BDP1: variants seen among roughly 807,000 people sequenced by gnomAD.
BDP1 encodes the protein BDP1 general transcription factor IIIB subunit.
BDP1 carries 169 observed loss-of-function variants against 266.6 expected under a neutral mutation model. The ratio of observed to expected loss-of-function variants is 0.63; its 90% CI spans 0.56 to 0.72. The LOEUF is 0.72. Among genes scored for constraint, BDP1 ranks in the 30% least tolerant of loss-of-function variants. The pLI is 0.00. For synonymous variants in BDP1, 1,090 were observed against 1,022.4 expected, an observed-to-expected ratio of 1.07 and a Z score of -1.26; for missense variants, 3,015 against 3,053.8, an observed-to-expected ratio of 0.99 and a Z score of 0.30.
In BDP1 at chr5:71,524,138, G is replaced by C. The variant is rs1386527502; in HGVS notation, c.5587G>C (p.Ala1863Pro). 1 of 1,614,054 alleles carries C rather than the reference G, an allele frequency of 6.2e-7. No homozygotes were observed. Among genetic ancestry groups the C allele is most frequent in the Non-Finnish European group, 8.5e-7 (1 of 1,180,044 alleles). Residue 1863 changes from alanine to proline, a missense_variant, in exon 25 of 39, where the codon GCC becomes CCC. Physicochemically the swap from Ala to Pro is conservative, Grantham distance 27. This residue lies in a region of BDP1 where 2,383 missense variants were observed against 2,404.9 expected (regional missense o/e 0.99). Transcript: ENST00000358731. Reference sequence around the variant, plus strand: ...TAAGAAGGAACCTAGAGCTTCCAAGGCCATGCTGGTGACTCTTCGGGCTTC... The same window carrying C: ...TAAGAAGGAACCTAGAGCTTCCAAGCCCATGCTGGTGACTCTTCGGGCTTC... ...TSKKEPRASK[A>P]MLVTLRASQE...
At chr5:71,508,763 A>G (rs1161797108) in intron 16 of BDP1, among the ~76,000 whole-genome samples, 2 of 152,188 alleles carry the variant, frequency 1.3e-5, no homozygotes, top group Admixed American at 1.3e-4. Flanking sequence ...ACCATCTATT[A>G]TAATAAACAG....
intron 16 of BDP1, among the ~76,000 whole-genome samples, chr5:71,506,211 T>C (rs868738721): frequency 9.9e-5 from 15 of 152,218 alleles, no homozygotes; most frequent in African/African-American, 3.6e-4. Context: ...GCCTCTGGGT[T>C]TTAGAACACT....
chr5:71,465,445 G>A (rs531995317), intron 4 of BDP1, among the ~76,000 whole-genome samples: 161 of 152,044 alleles, frequency 1.1e-3, no homozygotes, highest in African/African-American at 3.7e-3. Context: ...AATTTTTTTT[G>A]TAGTGGTAAG....
intron 5 of BDP1, among the ~76,000 whole-genome samples, chr5:71,466,641 T>C (rs745982413): frequency 1.1e-4 from 17 of 152,216 alleles, no homozygotes; most frequent in Non-Finnish European, 1.9e-4. Flanking sequence ...GTTTAACATA[T>C]TTTATGATTT....
In BDP1 at chr5:71,510,483, A is replaced by G. The variant is rs551650150; in HGVS notation, c.3391A>G (p.Thr1131Ala). The G allele has an allele frequency of 5.0e-6, 8 of 1,613,286 alleles. No individual in the cohort carries two copies. The East Asian group carries it at 1.6e-4, about 31-fold the overall frequency. ...AAGGGAGATTTCCCCAAGGGAGAAG[A>G]CACCAGAGGTGATTGATGCCACTGA... is the stretch of plus-strand genomic sequence containing the variant. ...TGREISPREKTPEVIDATEEI... is the reference protein window; with the variant it reads ...TGREISPREKAPEVIDATEEI... The change falls in exon 17 of 39, where the codon ACA (threonine) becomes GCA (alanine). Residue 1131 changes from threonine to alanine, a missense_variant. Thr to Ala is a moderately conservative substitution (Grantham distance 58, BLOSUM62 0). Around this residue, in one of 3 missense-constraint regions of BDP1, gnomAD observed 2,383 missense variants for 2,404.9 expected, o/e 0.99. Coordinates refer to ENST00000358731, the MANE Select transcript of BDP1 (RefSeq NM_018429.3).
At chr5:71,516,323 C>A (rs1300563626) in intron 21 of BDP1, 52 bp downstream of exon 21, 3 of 1,332,572 alleles carry the variant, frequency 2.3e-6, no homozygotes, top group East Asian at 2.5e-5. Context: ...TTTAAAATGT[C>A]AAGTTATAGC....
intron 22 of BDP1, among the ~76,000 whole-genome samples, chr5:71,520,211 T>C (rs1765428819): frequency 6.6e-6 from 1 of 152,218 alleles, no homozygotes; most frequent in African/African-American, 2.4e-5. Flanking sequence ...TATTAACTTT[T>C]GTGAGATGGA....
At chr5:71,572,935 A>C in the BDP1 span, among the ~76,000 whole-genome samples, 1 of 152,172 alleles carries the variant, frequency 6.6e-6, no homozygotes, top group African/African-American at 2.4e-5. Flanking sequence ...TCCAGCTGAA[A>C]ATAAAAAACA....
chr5:71,520,941 C>A (rs1434674867), intron 22 of BDP1, among the ~76,000 whole-genome samples: 1 of 152,052 alleles, frequency 6.6e-6, no homozygotes, highest in Admixed American at 6.5e-5. Context: ...GTAATCCCAG[C>A]GCTCTGGGAA....
chr5:71,542,449 C>A lies in BDP1; in HGVS notation c.6412+184C>A, dbSNP rs527413920. 1.3e-4 allele frequency among the ~76,000 whole-genome samples: 20 copies of A among 152,094 alleles called. No homozygotes were observed. The East Asian group carries it at 3.9e-3, about 29-fold the overall frequency. ...TACCAATTGGTTTTAGTAATTAATACCATTTTGCTACATTTGTTTGATCAA... is the reference window on the plus strand; with the variant it reads ...TACCAATTGGTTTTAGTAATTAATAACATTTTGCTACATTTGTTTGATCAA... On this transcript the variant is annotated intron_variant, in intron 30 of 38. Transcript: ENST00000358731.
rs772402045 is a variant in BDP1 at position 71,501,578 on chromosome 5, A to G, written c.1973A>G (p.Asp658Gly). Residue 658 changes from aspartate (D) to glycine (G), a missense_variant, in exon 14 of 39, where the codon GAT becomes GGT. Around this residue, in one of 3 missense-constraint regions of BDP1, gnomAD observed 2,383 missense variants for 2,404.9 expected, o/e 0.99. Transcript: ENST00000358731. ...TSVEKNHVEK[D>G]KMNTLDILRM... The stretch of plus-strand genomic sequence containing the variant: ...AATTCACAGAACCACGTGGAAAAAG[A>G]TAAAATGAATACATTGGACATTTTG... 13 of 1,597,564 alleles carry G rather than the reference A, an allele frequency of 8.1e-6. No homozygotes were observed. The highest frequency in any genetic ancestry group is 4.0e-5 in the African/African-American group (3 of 74,496).
At position 71,506,721 on chromosome 5, in the gene BDP1, G is replaced by A. The variant is rs575898490; in HGVS notation, c.2372+1970G>A. On this transcript the variant is annotated intron_variant, in intron 16 of 38. Transcript: ENST00000358731. Reference sequence around the variant, plus strand: ...TTCATATAAATATTTTAAGTTTTTTGTCATGATTGGTGATTTGGTGATGTT... The same window carrying A: ...TTCATATAAATATTTTAAGTTTTTTATCATGATTGGTGATTTGGTGATGTT... Among the ~76,000 whole-genome samples the A allele has an allele frequency of 2.7e-5, 4 of 147,812 alleles. No individual in the cohort carries two copies. In the South Asian group the frequency reaches 8.5e-4, roughly 32 times the overall value.
chr5:71,463,336 A>G (rs939994758), intron 3 of BDP1, among the ~76,000 whole-genome samples: 6 of 152,146 alleles, frequency 3.9e-5, no homozygotes, highest in African/African-American at 9.7e-5. Context: ...TTTAGCAGGT[A>G]GAGGTAGGAG....
intron 16 of BDP1, among the ~76,000 whole-genome samples, chr5:71,506,403 C>T: frequency 6.6e-6 from 1 of 152,148 alleles, no homozygotes; most frequent in East Asian, 1.9e-4. Flanking sequence ...TTTTCCCCCT[C>T]TCCTACTCCA....
chr5:71,468,308 C>T (rs943848502), intron 6 of BDP1, among the ~76,000 whole-genome samples: 1 of 151,630 alleles, frequency 6.6e-6, no homozygotes, highest in African/African-American at 2.4e-5. Flanking sequence ...CATGAGCCAC[C>T]GCACCTGGCC....
intron 7 of BDP1, among the ~76,000 whole-genome samples, chr5:71,474,573 CGTGGT>C (rs1011767750): frequency 4.6e-5 from 7 of 151,786 alleles, no homozygotes; most frequent in African/African-American, 1.5e-4. Context: ...GTTGGCCAGG[CGTGGT>C]GACTCACGCC....
chr5:71,548,408 A>G (rs543935490), intron 32 of BDP1, among the ~76,000 whole-genome samples: 1 of 152,314 alleles, frequency 6.6e-6, no homozygotes, highest in Non-Finnish European at 1.5e-5. Flanking sequence ...GGAGTAGAGA[A>G]AAAGTTGTGG....
chr5:71,472,886 CTCTTTT>C (rs1380265198), intron 7 of BDP1, among the ~76,000 whole-genome samples: 24 of 121,840 alleles, frequency 2.0e-4, no homozygotes, highest in Middle Eastern at 4.3e-3. Flanking sequence ...TTCTCTCTCT[CTCTTTT>C]TTTTTTTTTT....
chr5:71,519,273 A>T (rs913694325), intron 22 of BDP1, among the ~76,000 whole-genome samples: 3 of 145,430 alleles, frequency 2.1e-5, no homozygotes, highest in African/African-American at 7.3e-5. Context: ...ACCAGATCAG[A>T]GTAACTGGGA....
Sources: allele counts gnomAD v4.1 joint callset (sites outside exome capture counted in the v4.1 genomes callset), GRCh38; gene constraint gnomAD v4.1.1; regional missense constraint gnomAD v4.1.1; transcripts MANE v1.5; gene names NCBI Gene and HGNC (gene_info 2026-07-23, HGNC 2026-07-21).